Variants in PUF60 observed in about 807,000 individuals in gnomAD.
PUF60 encodes the protein poly(U)-binding-splicing factor PUF60.
Under a neutral mutation model 61.8 loss-of-function variants are expected in PUF60, and 10 were observed. That is an observed-to-expected ratio of 0.16 (90% CI 0.10 to 0.27). The LOEUF is 0.27. PUF60 is among the 10% of genes least tolerant of loss of function. The pLI is 1.00. For missense variants in PUF60, 371 were observed against 754.0 expected (o/e 0.49, Z 5.95); for synonymous variants, 353 against 300.9 (o/e 1.17, Z -1.79).
chr8:143,818,561 C>A lies in PUF60; in HGVS notation c.349-27G>T, dbSNP rs573398282. The A allele has an allele frequency of 1.3e-6, 2 of 1,549,380 alleles. No homozygotes were observed. Among genetic ancestry groups the A allele is most frequent in the Admixed American group, 1.9e-5 (1 of 52,428 alleles). ...TGCAGCAGGACAGAGGGGAGAGAAC[C>A]GCTGGCTCGTCAGGGGCGGCAGGAA... On this transcript the variant is annotated intron_variant, in intron 5 of 11. Coordinates refer to ENST00000526683, the MANE Select transcript of PUF60 (RefSeq NM_078480.3). The surrounding 1 kb of genome is among the most constrained non-coding windows in gnomAD (Gnocchi z 7.9).
chr8:143,829,092 A>G (rs1463799485), intron 1 of PUF60, 188 bp downstream of exon 1: 3 of 1,107,590 alleles, frequency 2.7e-6, no homozygotes, highest in African/African-American at 3.3e-5. Context: ...CCGGAAGCTG[A>G]GGCCGCGAGC....
chr8:143,822,757 G>T (rs908981045), intron 2 of PUF60: 32 of 354,826 alleles, frequency 9.0e-5, no homozygotes, highest in Non-Finnish European at 1.5e-4. Flanking sequence ...GAACGCAGCT[G>T]TGTGAGCAGG....
chr8:143,821,477 G>C, intron 4 of PUF60, 120 bp downstream of exon 4: 1 of 940,534 alleles, frequency 1.1e-6, no homozygotes, highest in Non-Finnish European at 1.6e-6. Flanking sequence ...GAGTCTTTGA[G>C]AATCGGAGCA....
intron 1 of PUF60, chr8:143,828,916 G>A (rs944701397): frequency 5.1e-5 from 50 of 986,000 alleles, no homozygotes; most frequent in Non-Finnish European, 5.9e-5. Flanking sequence ...CCAGAACCCC[G>A]CTTCCGTCGT....
At chr8:143,826,126 A>C (rs1817610648) in intron 1 of PUF60, among the ~76,000 whole-genome samples, 1 of 152,226 alleles carries the variant, frequency 6.6e-6, no homozygotes, top group African/African-American at 2.4e-5. Flanking sequence ...GGCAATTAAA[A>C]TGGCGTCTTT....
chr8:143,823,457 A>G (rs188713293), intron 2 of PUF60, among the ~76,000 whole-genome samples: 85 of 152,296 alleles, frequency 5.6e-4, no homozygotes, highest in African/African-American at 2.0e-3. Flanking sequence ...ACATTTTTCA[A>G]TCTCCTCTTT....
intron 1 of PUF60, chr8:143,827,372 C>T (rs997243932): frequency 2.2e-6 from 1 of 456,208 alleles, no homozygotes; most frequent in African/African-American, 2.0e-5. Flanking sequence ...AAAGATGCAT[C>T]CAGAAGACCT....
At chr8:143,825,443 G>A (rs751035626) in intron 1 of PUF60, among the ~76,000 whole-genome samples, 7 of 152,118 alleles carry the variant, frequency 4.6e-5, no homozygotes, top group South Asian at 2.1e-4. Flanking sequence ...TCAGCCCCAC[G>A]CTGCCTAAAC....
intron 5 of PUF60, among the ~76,000 whole-genome samples, chr8:143,819,803 A>G (rs1563829509): frequency 6.6e-6 from 1 of 151,932 alleles, no homozygotes; most frequent in Non-Finnish European, 1.5e-5. Flanking sequence ...GGTTCCCCCA[A>G]GACAGGGCCA....
chr8:143,821,010 G>T (rs913929205), intron 4 of PUF60, among the ~76,000 whole-genome samples: 2 of 152,116 alleles, frequency 1.3e-5, no homozygotes, highest in African/African-American at 4.8e-5. Flanking sequence ...TCCTGGTAGC[G>T]TGAATGTCTG....
At position 143,824,252 on chromosome 8, in the gene PUF60, AGGCGGGCGGGCG is replaced by A. The variant is rs574616059; in HGVS notation, c.111+49_111+60del. ...TCTCTGGGCCCAGGGACGCACAGGC[AGGCGGGCGGGCG>A]GGCGGGCAGGCGGGCGGGCCTGAGG... On this transcript the variant is annotated intron_variant, in intron 2 of 11. Transcript: ENST00000526683. The A allele has an allele frequency of 4.7e-4, 685 of 1,471,796 alleles. 1 individual carries two copies. In the African/African-American group the frequency reaches 8.3e-3, roughly 18 times the overall value. The allele number at this position is 1,471,796 out of a possible 1,614,324, so 91.2% of individuals were successfully genotyped here.
Position 143,817,038 on chromosome 8 carries a change from CCTTCTT to C in PUF60, c.1246_1251del (p.Lys416_Lys417del), listed in dbSNP as rs1816400483. On this transcript the variant is annotated inframe_deletion, in exon 11 of 12. Coordinates refer to ENST00000526683, the MANE Select transcript of PUF60 (RefSeq NM_078480.3). The surrounding 1 kb of genome is among the most constrained non-coding windows in gnomAD (Gnocchi z 7.4). Reference sequence around the variant, plus strand: ...GGAAACAGCTCCTCTTCTTCCTTCTCCTTCTTGGGCTCCAGGAGACCCAGCGTTGGA... The same window carrying C: ...GGAAACAGCTCCTCTTCTTCCTTCTCGGGCTCCAGGAGACCCAGCGTTGGA... 2 of 1,610,858 alleles carry C rather than the reference CCTTCTT, an allele frequency of 1.2e-6. No individual in the cohort carries two copies. Among genetic ancestry groups the C allele is most frequent in the Non-Finnish European group, 8.5e-7 (1 of 1,178,920 alleles).
chr8:143,825,432 C>G (rs552150491), intron 1 of PUF60, among the ~76,000 whole-genome samples: 32 of 152,350 alleles, frequency 2.1e-4, no homozygotes, highest in Non-Finnish European at 4.0e-4. Flanking sequence ...AGCTGCCCAA[C>G]TCAGCCCCAC....
At position 143,817,413 on chromosome 8, in the gene PUF60, C is replaced by T. The variant is rs756595524; in HGVS notation, c.1062G>A (p.Val354=). Residue 354 remains valine, a synonymous_variant, in exon 10 of 12, where the codon GTG becomes GTA. Transcript: ENST00000526683. The surrounding 1 kb of genome is among the most constrained non-coding windows in gnomAD (Gnocchi z 7.4). ...VLGTLGTPGL[V]SPALTLAQPL... is the part of the protein sequence containing the mutation. ...GCTGGGCCAGGGTCAGTGCTGGGGA[C>T]ACCAGTCCAGGTGTGCCCAGGGTAC... is the stretch of plus-strand genomic sequence containing the variant. 9.4e-6 allele frequency: 15 copies of T among 1,601,958 alleles called. No individual in the cohort carries two copies. The highest frequency in any genetic ancestry group is 1.2e-5 in the Non-Finnish European group (14 of 1,176,146).
intron 1 of PUF60, chr8:143,824,714 G>A: frequency 2.5e-6 from 1 of 398,946 alleles, no homozygotes. Flanking sequence ...CCTGCCGGCA[G>A]GCTGGACGGC....
chr8:143,828,516 G>A (rs1308540678), intron 1 of PUF60, among the ~76,000 whole-genome samples: 2 of 152,206 alleles, frequency 1.3e-5, no homozygotes, highest in South Asian at 2.1e-4. Context: ...CGGGGAAGTG[G>A]GCACTGAGCA....
intron 1 of PUF60, among the ~76,000 whole-genome samples, chr8:143,828,261 G>A (rs1466251936): frequency 6.6e-6 from 1 of 152,186 alleles, no homozygotes; most frequent in Non-Finnish European, 1.5e-5. Context: ...GACACTCCCT[G>A]GTCCTGCCAG....
Position 143,818,687 on chromosome 8 carries a change from G to A in PUF60, c.349-153C>T, listed in dbSNP as rs1305464070. 2 of 838,192 alleles carry A rather than the reference G, an allele frequency of 2.4e-6. No homozygotes were observed. The highest frequency in any genetic ancestry group is 3.6e-6 in the Non-Finnish European group (2 of 557,478). The allele number at this position is 838,192 out of a possible 1,614,324, so 51.9% of individuals were successfully genotyped here. ...TGCGGGCTCCATCCCTGCAGTCATA[G>A]TGTGGGGGTCGCAGGACCCCGCCAC... On this transcript the variant is annotated intron_variant, in intron 5 of 11. Transcript: ENST00000526683. This position sits in a 1 kb window ranked among gnomAD's most constrained non-coding sequence, Gnocchi z 7.9.
chr8:143,822,214 G>C (rs1817100301), intron 2 of PUF60, among the ~76,000 whole-genome samples: 2 of 152,128 alleles, frequency 1.3e-5, no homozygotes, highest in Non-Finnish European at 2.9e-5. Flanking sequence ...AAGGGGTCCA[G>C]CCCCTTGTTG....
Sources: gnomAD v4.1 joint callset for allele counts (sites outside exome capture counted in the v4.1 genomes callset) on GRCh38, gnomAD v4.1.1 for gene constraint, Gnocchi (gnomAD v3.1) non-coding constraint, MANE v1.5 for transcripts, NCBI Gene and HGNC (gene_info 2026-07-23, HGNC 2026-07-21) for gene names.